The following DCAF8L2 variants were observed in gnomAD, a reference collection of about 807,000 sequenced individuals.
The protein encoded by DCAF8L2 is DDB1 and CUL4 associated factor 8 like 2.
For synonymous variants in DCAF8L2, 200 were observed against 190.9 expected (o/e 1.05, Z -0.39); for missense variants, 430 against 490.7 (o/e 0.88, Z 1.17).
intron 1 of DCAF8L2, among the ~76,000 whole-genome samples, chrX:27,623,772 C>T (rs761532093): frequency 2.7e-5 from 3 of 111,387 alleles, no homozygotes; most frequent in Admixed American, 9.6e-5. Context: ...AATAGCAATG[C>T]AGATTTAAAC....
At chrX:27,653,725 T>TACACACACACACAC (rs34651746) in intron 2 of DCAF8L2, among the ~76,000 whole-genome samples, 47 of 92,079 alleles carry the variant, frequency 5.1e-4, no homozygotes, top group African/African-American at 1.6e-3. Context: ...CAGATATGTA[T>TACACACACACACAC]ACACACACAC....
chrX:27,505,336 A>C, the DCAF8L2 span, among the ~76,000 whole-genome samples: 1 of 111,752 alleles, frequency 8.9e-6, no homozygotes, highest in East Asian at 2.8e-4. Flanking sequence ...TGGCGTTGAT[A>C]TGTGATTTGC....
the DCAF8L2 span, among the ~76,000 whole-genome samples, chrX:27,511,801 TA>T: frequency 2.7e-5 from 3 of 112,192 alleles, no homozygotes; most frequent in South Asian, 1.1e-3. Context: ...ATGTAAAAAC[TA>T]TTTGCCAACT....
the DCAF8L2 span, among the ~76,000 whole-genome samples, chrX:27,542,433 T>C: frequency 2.7e-5 from 3 of 111,043 alleles, no homozygotes; most frequent in East Asian, 8.4e-4. Flanking sequence ...GGTTTTGATT[T>C]CTGTTTCTCT....
At chrX:27,584,554 C>T in the DCAF8L2 span, among the ~76,000 whole-genome samples, 13 of 110,252 alleles carry the variant, frequency 1.2e-4, no homozygotes, top group East Asian at 5.7e-4. Context: ...CTCAAAATAA[C>T]TCTTATTACT....
the DCAF8L2 span, among the ~76,000 whole-genome samples, chrX:27,561,686 G>A: frequency 4.7e-4 from 52 of 111,480 alleles, no homozygotes; most frequent in Admixed American, 2.9e-4. Flanking sequence ...TGGGGGGGTT[G>A]TGACTGGATT....
At chrX:27,718,810 T>C (rs1486525034) in intron 4 of DCAF8L2, among the ~76,000 whole-genome samples, 1 of 111,776 alleles carries the variant, frequency 8.9e-6, no homozygotes, top group Non-Finnish European at 1.9e-5. Flanking sequence ...TTGGTTCTCC[T>C]GGTTCTTCGG....
At chrX:27,548,459 A>G in the DCAF8L2 span, among the ~76,000 whole-genome samples, 3 of 111,892 alleles carry the variant, frequency 2.7e-5, no homozygotes, top group Non-Finnish European at 3.8e-5. Flanking sequence ...AGAAATAGCT[A>G]TACTATTGTC....
chrX:27,497,549 C>CTTCCTTCCTTCCTTCTTTCTTTCT, the DCAF8L2 span, among the ~76,000 whole-genome samples: 1 of 64,422 alleles, frequency 1.6e-5, no homozygotes, highest in African/African-American at 8.8e-5. Flanking sequence ...TCCTTCCTTC[C>CTTCCTTCCTTCCTTCTTTCTTTCT]TTCTTTCTTT....
rs1345168932 is a variant in DCAF8L2, at chrX:27,747,468, T to G, written c.573T>G (p.Thr191=). ...ALPRPRWQVV[T]ALHQRQLGSR... ...CCCGACCTCGCTGGCAGGTCGTTACTGCTCTTCACCAGCGGCAGCTGGGTT... is the reference window on the plus strand; with the variant it reads ...CCCGACCTCGCTGGCAGGTCGTTACGGCTCTTCACCAGCGGCAGCTGGGTT... The change falls in exon 5 of 5, where the codon ACT becomes ACG. Residue 191 remains threonine (T), a synonymous_variant. Transcript: ENST00000451261. 1.4e-5 allele frequency: 16 copies of G among 1,174,458 alleles called. No individual in the cohort carries two copies. The highest frequency in any genetic ancestry group is 1.8e-5 in the Non-Finnish European group (16 of 876,997).
At chrX:27,502,335 A>ATATATATATAT in the DCAF8L2 span, among the ~76,000 whole-genome samples, 2 of 12,716 alleles carry the variant, frequency 1.6e-4, no homozygotes, top group Non-Finnish European at 3.0e-4. Context: ...AAAAAAAAAA[A>ATATATATATAT]ATATATATAT....
chrX:27,732,556 C>G (rs1174312906), intron 4 of DCAF8L2, among the ~76,000 whole-genome samples: 2 of 110,138 alleles, frequency 1.8e-5, no homozygotes, highest in African/African-American at 6.6e-5. Flanking sequence ...TATGTCCTCA[C>G]ATAGCAGAAA....
At chrX:27,587,983 AAAATATATAT>A (rs1430294049), upstream of DCAF8L2, among the ~76,000 whole-genome samples, 2 of 25,130 alleles carry the variant, frequency 8.0e-5, no homozygotes, top group Non-Finnish European at 1.4e-4. Flanking sequence ...ATTAAAAAAA[AAAATATATAT>A]ATATATATAT....
intron 4 of DCAF8L2, among the ~76,000 whole-genome samples, chrX:27,733,184 A>G (rs1921322099): frequency 9.0e-6 from 1 of 111,320 alleles, no homozygotes; most frequent in Non-Finnish European, 1.9e-5. Context: ...CATACCCTCA[A>G]CAACACTTGT....
the DCAF8L2 span, among the ~76,000 whole-genome samples, chrX:27,502,332 AAAAATATATATATATATATATATAT>A: frequency 8.2e-4 from 28 of 34,057 alleles, no homozygotes; most frequent in Non-Finnish European, 1.1e-3. Flanking sequence ...AAAAAAAAAA[AAAAATATATATATATATATATATAT>A]ATATATATAT....
the DCAF8L2 span, among the ~76,000 whole-genome samples, chrX:27,502,328 AAAAAAAAATATATATATAT>A: frequency 2.9e-5 from 1 of 34,771 alleles, no homozygotes; most frequent in Non-Finnish European, 4.7e-5. Flanking sequence ...AAAAAAAAAA[AAAAAAAAATATATATATAT>A]ATATATATAT....
the DCAF8L2 span, among the ~76,000 whole-genome samples, chrX:27,581,138 G>T: frequency 2.7e-5 from 3 of 111,553 alleles, no homozygotes; most frequent in Non-Finnish European, 5.6e-5. Flanking sequence ...ACCTTATACG[G>T]CTTATGGCAA....
chrX:27,521,389 C>T, the DCAF8L2 span, among the ~76,000 whole-genome samples: 1 of 112,247 alleles, frequency 8.9e-6, no homozygotes. Context: ...TTAGAAACAG[C>T]TTAGGATTTT....
intron 3 of DCAF8L2, among the ~76,000 whole-genome samples, chrX:27,711,426 T>TG (rs1931530106): frequency 2.0e-5 from 2 of 101,379 alleles, no homozygotes; most frequent in African/African-American, 7.2e-5. Flanking sequence ...TGTGTGTGTA[T>TG]TATATATATA....
Sources: gnomAD v4.1 joint callset for allele counts (sites outside exome capture counted in the v4.1 genomes callset) on GRCh38, gnomAD v4.1.1 for gene constraint, MANE v1.5 for transcripts, NCBI Gene and HGNC (gene_info 2026-07-23, HGNC 2026-07-21) for gene names.